Variants in RASAL2 observed in about 807,000 individuals in gnomAD.
RASAL2 encodes the protein ras GTPase-activating protein nGAP.
A neutral mutation model predicts 128.9 loss-of-function variants in RASAL2; 58 were observed. That is an observed-to-expected ratio of 0.45 (90% CI 0.36 to 0.56). The LOEUF is 0.56. RASAL2 is among the 20% of genes least tolerant of loss of function. The pLI, the probability that RASAL2 is intolerant of heterozygous loss-of-function variation, is 0.00. For synonymous variants in RASAL2, 561 were observed against 580.8 expected, an observed-to-expected ratio of 0.97 and a Z score of 0.49; for missense variants, 1,360 against 1,601.6, an observed-to-expected ratio of 0.85 and a Z score of 2.57.
chr1:178,386,202 A>C (rs1460713971), intron 3 of RASAL2, among the ~76,000 whole-genome samples: 1 of 152,214 alleles, frequency 6.6e-6, no homozygotes, highest in East Asian at 1.9e-4. Flanking sequence ...ACACTTTCCA[A>C]AGAAAGTGCG....
rs1648499533 is a variant in RASAL2 at position 178,473,924 on chromosome 1, T to A, written c.*685T>A. 3 of 152,436 alleles carry A rather than the reference T, an allele frequency of 2.0e-5. No homozygotes were observed. The allele number at this position is 152,436 out of a possible 1,614,324, so 9.4% of individuals were successfully genotyped here. A position where few individuals can be genotyped will look rare whatever the true frequency, so the allele number is the denominator to read the frequency against. On this transcript the variant is annotated 3_prime_UTR_variant, in exon 18 of 18. Transcript: ENST00000367649. ...AAAACTGGACTTTAGGAGTAATTTC[T>A]ATTGAACTCCTGTCAATATGTTTAT... is the stretch of plus-strand genomic sequence containing the variant.
intron 1 of RASAL2, among the ~76,000 whole-genome samples, chr1:178,243,294 C>T (rs907362292): frequency 1.3e-5 from 2 of 152,170 alleles, no homozygotes; most frequent in African/African-American, 4.8e-5. Flanking sequence ...AGGGAATGAG[C>T]TTCCCCAGGA....
chr1:178,190,019 T>C (rs1330444857), intron 1 of RASAL2, among the ~76,000 whole-genome samples: 1 of 149,518 alleles, frequency 6.7e-6, no homozygotes, highest in Non-Finnish European at 1.5e-5. Context: ...TACTGACATC[T>C]AGTGGGTGGA....
intron 1 of RASAL2, among the ~76,000 whole-genome samples, chr1:178,202,944 G>A (rs12032068): frequency 0.066 from 9,984 of 152,244 alleles, 366 homozygotes; most frequent in Admixed American, 0.092. Flanking sequence ...GGCTGACTTG[G>A]CCATGGCCAC....
chr1:178,147,689 A>G (rs1660780582), intron 1 of RASAL2, among the ~76,000 whole-genome samples: 2 of 152,198 alleles, frequency 1.3e-5, no homozygotes. Context: ...GGTTGTATAC[A>G]TATGTGCAAC....
At chr1:178,278,130 C>G (rs902859369) in intron 1 of RASAL2, among the ~76,000 whole-genome samples, 1 of 152,116 alleles carries the variant, frequency 6.6e-6, no homozygotes, top group Non-Finnish European at 1.5e-5. Flanking sequence ...AATGCAAAGG[C>G]TTTTATACGA....
intron 1 of RASAL2, among the ~76,000 whole-genome samples, chr1:178,250,715 C>T (rs1189121637): frequency 2.0e-5 from 3 of 152,168 alleles, no homozygotes; most frequent in Admixed American, 6.5e-5. Context: ...TCCAGAAAAC[C>T]TTATTTCTTT....
intron 4 of RASAL2, among the ~76,000 whole-genome samples, chr1:178,414,290 G>T (rs937853798): frequency 1.3e-5 from 2 of 152,188 alleles, no homozygotes; most frequent in Non-Finnish European, 2.9e-5. Flanking sequence ...CTGTTTGCCA[G>T]GGGTTGGAGT....
At chr1:178,204,610 G>A (rs529458271) in intron 1 of RASAL2, among the ~76,000 whole-genome samples, 11 of 152,236 alleles carry the variant, frequency 7.2e-5, no homozygotes, top group South Asian at 2.1e-4. Context: ...AAGATGGTTC[G>A]TAAGCCAAAT....
In RASAL2 at chr1:178,473,396, C is replaced by A; in HGVS notation, c.*157C>A. The A allele has an allele frequency of 1.1e-6, 1 of 917,246 alleles. No homozygotes were observed. The highest frequency in any genetic ancestry group is 1.6e-6 in the Non-Finnish European group (1 of 620,896). 56.8% of individuals were successfully genotyped at this position (917,246 alleles called of 1,614,324 possible). A position where few individuals can be genotyped will look rare whatever the true frequency, so the allele number is the denominator to read the frequency against. Reference sequence around the variant, plus strand: ...AAGAAAGGAACCTTGTCTTTCAGGGCATAAGGCGGCGACTTCCAAGGTCAA... The same window carrying A: ...AAGAAAGGAACCTTGTCTTTCAGGGAATAAGGCGGCGACTTCCAAGGTCAA... On this transcript the variant is annotated 3_prime_UTR_variant, in exon 18 of 18. Coordinates refer to ENST00000367649, the MANE Select transcript of RASAL2 (RefSeq NM_170692.4).
intron 1 of RASAL2, among the ~76,000 whole-genome samples, chr1:178,186,057 T>C (rs552013931): frequency 2.0e-5 from 3 of 152,124 alleles, no homozygotes; most frequent in Admixed American, 2.0e-4. Flanking sequence ...TCAATATCAT[T>C]AATAAATATA....
intron 3 of RASAL2, among the ~76,000 whole-genome samples, chr1:178,340,610 ATGAAGT>A (rs1417158786): frequency 8.5e-5 from 13 of 152,204 alleles, no homozygotes; most frequent in Admixed American, 1.3e-4. Context: ...TATTTAAAAA[ATGAAGT>A]TCTCAGTTTT....
At chr1:178,194,582 T>C (rs890489184) in intron 1 of RASAL2, 1 of 154,164 alleles carries the variant, frequency 6.5e-6, no homozygotes, top group Non-Finnish European at 1.5e-5. Context: ...TTCTTTTTGT[T>C]TTTTTGTTTT....
intron 3 of RASAL2, among the ~76,000 whole-genome samples, chr1:178,349,525 C>G (rs1051658663): frequency 1.3e-5 from 2 of 152,010 alleles, no homozygotes; most frequent in African/African-American, 4.8e-5. Flanking sequence ...GGAAACTAGG[C>G]TTGTGGATGT....
At chr1:178,187,715 G>GT (rs1662354253) in intron 1 of RASAL2, among the ~76,000 whole-genome samples, 1 of 152,114 alleles carries the variant, frequency 6.6e-6, no homozygotes, top group Non-Finnish European at 1.5e-5. Context: ...CAGCTTGCTA[G>GT]TTTTGAGGCT....
chr1:178,458,975 G>A (rs993756935), intron 14 of RASAL2, among the ~76,000 whole-genome samples: 7 of 152,120 alleles, frequency 4.6e-5, no homozygotes, highest in Admixed American at 1.3e-4. Context: ...TAATATGACT[G>A]CTCTCCATTC....
At chr1:178,307,556 T>G (rs1231165316) in intron 3 of RASAL2, among the ~76,000 whole-genome samples, 1 of 152,136 alleles carries the variant, frequency 6.6e-6, no homozygotes, top group Non-Finnish European at 1.5e-5. Context: ...TAGTAAATAG[T>G]CATTTTCAAT....
At chr1:178,288,802 C>T (rs1667150527) in intron 2 of RASAL2, among the ~76,000 whole-genome samples, 1 of 151,860 alleles carries the variant, frequency 6.6e-6, no homozygotes. Flanking sequence ...AGGCATGCGC[C>T]ACCATGCCCA....
chr1:178,405,626 A>G (rs1443266165), intron 4 of RASAL2, among the ~76,000 whole-genome samples: 2 of 152,170 alleles, frequency 1.3e-5, no homozygotes, highest in East Asian at 3.9e-4. Flanking sequence ...AAGGCATAAG[A>G]CAGATTCTCC....
Sources: gnomAD v4.1 joint callset for allele counts (sites outside exome capture counted in the v4.1 genomes callset) on GRCh38, gnomAD v4.1.1 for gene constraint, MANE v1.5 for transcripts, NCBI Gene and HGNC (gene_info 2026-07-23, HGNC 2026-07-21) for gene names.